CDH13: variants seen among roughly 807,000 people sequenced by gnomAD.
CDH13 encodes the protein cadherin 13, also known as cadherin-13.
CDH13 carries 24 observed loss-of-function variants against 63.8 expected under a neutral mutation model. The ratio of observed to expected loss-of-function variants is 0.38; its 90% CI spans 0.27 to 0.53. CDH13 has a LOEUF of 0.53. Among genes scored for constraint, CDH13 ranks in the 20% least tolerant of loss-of-function variants. The pLI is 0.85. For missense variants in CDH13, 1,049 were observed against 903.1 expected, an observed-to-expected ratio of 1.16 and a Z score of -2.07; for synonymous variants, 503 against 355.3, an observed-to-expected ratio of 1.42 and a Z score of -4.67.
intron 1 of CDH13, among the ~76,000 whole-genome samples, chr16:82,832,501 T>C (rs2038587114): frequency 6.6e-6 from 1 of 151,854 alleles, no homozygotes; most frequent in Non-Finnish European, 1.5e-5. Context: ...GTTGTAAAAA[T>C]CTGGATGAAA....
intron 7 of CDH13, among the ~76,000 whole-genome samples, chr16:83,591,038 G>A (rs965239743): frequency 2.6e-5 from 4 of 151,654 alleles, no homozygotes; most frequent in African/African-American, 4.9e-5. Context: ...AGCCTCCCGA[G>A]TAGTTGGGAT....
At chr16:83,458,405 G>A (rs72808306) in intron 6 of CDH13, among the ~76,000 whole-genome samples, 3,977 of 152,076 alleles carry the variant, frequency 0.026, 74 homozygotes, top group Non-Finnish European at 0.041. Context: ...CAACATCATC[G>A]CCATTAACAA....
In CDH13 at chr16:83,118,627, C is replaced by G. The variant is rs2035422380; in HGVS notation, c.367-6758C>G. 2.6e-5 allele frequency among the ~76,000 whole-genome samples: 4 copies of G among 152,110 alleles called. No homozygotes were observed. In the South Asian group the frequency reaches 8.3e-4, roughly 32 times the overall value. ...TTCCTCCGTCCTGGTGTTAATAAGACTCATCCTTCATTTTTCTACCGTTTC... is the reference window on the plus strand; with the variant it reads ...TTCCTCCGTCCTGGTGTTAATAAGAGTCATCCTTCATTTTTCTACCGTTTC... On this transcript the variant is annotated intron_variant, in intron 3 of 13. Coordinates refer to ENST00000567109, the MANE Select transcript of CDH13 (RefSeq NM_001257.5).
chr16:82,689,145 T>A (rs944002935), intron 1 of CDH13: 1 of 150,476 alleles, frequency 6.6e-6, no homozygotes, highest in Non-Finnish European at 1.5e-5. Flanking sequence ...TTTATTCTTC[T>A]AACTTGCCTG....
chr16:83,447,096 C>CTTTTTTTTTTTTTT lies in CDH13; in HGVS notation c.782-39364_782-39351dup, dbSNP rs750432481. On this transcript the variant is annotated intron_variant, in intron 6 of 13. Coordinates refer to ENST00000567109, the MANE Select transcript of CDH13 (RefSeq NM_001257.5). ...AAAACAAAAAACACCTTATAGTAAC[C>CTTTTTTTTTTTTTT]TTTTTTTTTTTTTTTTTTTTTTTTT... 3.6e-3 allele frequency among the ~76,000 whole-genome samples: 149 copies of CTTTTTTTTTTTTTT among 41,500 alleles called. 26 individuals carry two copies. Among genetic ancestry groups the CTTTTTTTTTTTTTT allele is most frequent in the African/African-American group, 4.3e-3 (50 of 11,744 alleles). 27.2% of individuals were successfully genotyped at this position (41,500 alleles called of 152,430 possible).
intron 7 of CDH13, among the ~76,000 whole-genome samples, chr16:83,581,013 G>A (rs763008609): frequency 2.6e-5 from 4 of 152,138 alleles, no homozygotes; most frequent in Non-Finnish European, 5.9e-5. Flanking sequence ...CATAGATGGT[G>A]CCATTTATTC....
intron 1 of CDH13, among the ~76,000 whole-genome samples, chr16:82,795,434 C>T (rs1326557069): frequency 1.3e-5 from 2 of 152,080 alleles, no homozygotes; most frequent in Non-Finnish European, 2.9e-5. Context: ...CCGGAGGGGT[C>T]GGGGAACCTC....
rs566269962 is a variant in CDH13, at chr16:83,063,707, T to C, written c.366+31489T>C. Among the ~76,000 whole-genome samples the C allele has an allele frequency of 2.4e-4, 36 of 152,278 alleles. No individual in the cohort carries two copies. In the South Asian group the frequency reaches 4.4e-3, roughly 18 times the overall value. ...TTTGTGGCTTAAAACAACACAAATTTATTCTGTTTTAGTTTTGGAGGCCAA... is the reference window on the plus strand; with the variant it reads ...TTTGTGGCTTAAAACAACACAAATTCATTCTGTTTTAGTTTTGGAGGCCAA... On this transcript the variant is annotated intron_variant, in intron 3 of 13. Transcript: ENST00000567109.
At chr16:83,332,922 T>A (rs2090509172) in intron 5 of CDH13, among the ~76,000 whole-genome samples, 1 of 152,174 alleles carries the variant, frequency 6.6e-6, no homozygotes, top group Admixed American at 6.5e-5. Flanking sequence ...AAACAAAAAT[T>A]TTAAAGTAAA....
chr16:83,405,284 GTACTAATT>G (rs2092025378), intron 6 of CDH13, among the ~76,000 whole-genome samples: 1 of 152,224 alleles, frequency 6.6e-6, no homozygotes, highest in Non-Finnish European at 1.5e-5. Context: ...AGATGTGCAA[GTACTAATT>G]CCTGGGGCCT....
intron 6 of CDH13, among the ~76,000 whole-genome samples, chr16:83,350,217 G>A (rs991924848): frequency 2.6e-5 from 4 of 152,124 alleles, no homozygotes; most frequent in Non-Finnish European, 5.9e-5. Context: ...GGTTGTGTTC[G>A]CTCTCCTGGC....
intron 2 of CDH13, among the ~76,000 whole-genome samples, chr16:82,931,181 C>A (rs1373563496): frequency 6.6e-6 from 1 of 152,184 alleles, no homozygotes; most frequent in Admixed American, 6.5e-5. Flanking sequence ...ACTTTGATTT[C>A]CCTCTCTCGT....
intron 8 of CDH13, among the ~76,000 whole-genome samples, chr16:83,649,077 G>A (rs1043721262): frequency 1.3e-5 from 2 of 152,186 alleles, no homozygotes; most frequent in African/African-American, 4.8e-5. Flanking sequence ...TTAACTCTGT[G>A]ACTATTCCTG....
chr16:83,097,793 G>A (rs1597330350), intron 3 of CDH13, among the ~76,000 whole-genome samples: 2 of 152,184 alleles, frequency 1.3e-5, no homozygotes, highest in Non-Finnish European at 2.9e-5. Flanking sequence ...GGAAATTACA[G>A]AAGTTTTCTC....
chr16:82,680,931 G>A (rs897072522), intron 1 of CDH13, among the ~76,000 whole-genome samples: 1 of 152,210 alleles, frequency 6.6e-6, no homozygotes, highest in Admixed American at 6.5e-5. Flanking sequence ...GCTCCCATGA[G>A]CCAAATCTAG....
intron 1 of CDH13, among the ~76,000 whole-genome samples, chr16:82,660,880 A>G (rs2150924692): frequency 6.6e-6 from 1 of 152,268 alleles, no homozygotes; most frequent in Non-Finnish European, 1.5e-5. Flanking sequence ...AGATGTAAAG[A>G]GCCTTTTGAA....
chr16:82,825,883 C>T, intron 1 of CDH13: 1 of 151,062 alleles, frequency 6.6e-6, no homozygotes, highest in South Asian at 2.1e-4. Flanking sequence ...GAGGCAAACT[C>T]TGACTCTGAC....
intron 13 of CDH13, among the ~76,000 whole-genome samples, chr16:83,785,975 G>A (rs371220893): frequency 1.2e-4 from 18 of 152,186 alleles, no homozygotes; most frequent in African/African-American, 3.9e-4. Context: ...CAACTCAATA[G>A]GAAACAGGTG....
chr16:83,190,468 A>G (rs1339534624), intron 4 of CDH13, among the ~76,000 whole-genome samples: 2 of 152,158 alleles, frequency 1.3e-5, no homozygotes, highest in African/African-American at 4.8e-5. Flanking sequence ...ATTTTTTCCA[A>G]TTGTCCTTTA....
Sources: allele counts gnomAD v4.1 joint callset (sites outside exome capture counted in the v4.1 genomes callset), GRCh38; gene constraint gnomAD v4.1.1; transcripts MANE v1.5; gene names NCBI Gene and HGNC (gene_info 2026-07-23, HGNC 2026-07-21).